LINC00237: variants seen among roughly 807,000 people sequenced by gnomAD.
LINC00237 encodes the protein long independently transcribed non-coding RNA 237, also known as long intergenic non-protein coding RNA 237.
At chr20:21,105,360 G>A (rs931002230) in intron 1 of LINC00237, among the ~76,000 whole-genome samples, 1 of 149,680 alleles carries the variant, frequency 6.7e-6, no homozygotes, top group Admixed American at 6.7e-5. Context: ...TGCCCTCCTC[G>A]GGCTAAAAGT....
intron 1 of LINC00237, among the ~76,000 whole-genome samples, chr20:21,105,514 G>A (rs1032451137): frequency 3.7e-4 from 56 of 152,294 alleles, no homozygotes; most frequent in African/African-American, 1.3e-3. Flanking sequence ...ACCTGGGCCG[G>A]GGCAGGACTG....
chr20:21,091,060 CGTGTGTGT>C (rs57771489), intron 2 of LINC00237, among the ~76,000 whole-genome samples: 2 of 147,156 alleles, frequency 1.4e-5, no homozygotes, highest in Non-Finnish European at 3.0e-5. Context: ...TGTGTGTGTG[CGTGTGTGT>C]GTGTGTGTGT....
At chr20:21,102,687 A>C (rs2030946902) in intron 1 of LINC00237, among the ~76,000 whole-genome samples, 1 of 125,232 alleles carries the variant, frequency 8.0e-6, no homozygotes, top group East Asian at 2.4e-4. Context: ...GTTAATTCCT[A>C]TTTTATAAGA....
intron 1 of LINC00237, among the ~76,000 whole-genome samples, chr20:21,104,441 C>T (rs1015490225): frequency 4.6e-5 from 7 of 152,260 alleles, no homozygotes; most frequent in African/African-American, 9.6e-5. Flanking sequence ...CCGCAAGCAA[C>T]AGCCTTGTCC....
At chr20:21,088,274 C>T (rs935970234) in intron 2 of LINC00237, among the ~76,000 whole-genome samples, 5 of 152,164 alleles carry the variant, frequency 3.3e-5, no homozygotes, top group African/African-American at 1.2e-4. Context: ...GGGGCCTGTT[C>T]TCCTCCACCC....
intron 1 of LINC00237, among the ~76,000 whole-genome samples, chr20:21,097,807 T>C (rs2030880148): frequency 6.6e-6 from 1 of 152,170 alleles, no homozygotes; most frequent in Non-Finnish European, 1.5e-5. Flanking sequence ...GTTGAAAATA[T>C]GTGTCTAATC....
At chr20:21,089,339 C>G (rs1410558885) in intron 2 of LINC00237, among the ~76,000 whole-genome samples, 1 of 151,840 alleles carries the variant, frequency 6.6e-6, no homozygotes, top group African/African-American at 2.4e-5. Flanking sequence ...TGCTGATATC[C>G]TTGATGTCTC....
chr20:21,086,839 A>ATGTATAGTATACACTATATATG (rs1411630869), intron 3 of LINC00237, among the ~76,000 whole-genome samples: 40 of 128,838 alleles, frequency 3.1e-4, no homozygotes, highest in African/African-American at 1.1e-3. Context: ...TATACTATAT[A>ATGTATAGTATACACTATATATG]TGTATAGTAT....
intron 1 of LINC00237, among the ~76,000 whole-genome samples, chr20:21,094,176 A>C (rs2030826864): frequency 6.6e-6 from 1 of 152,194 alleles, no homozygotes; most frequent in Admixed American, 6.5e-5. Flanking sequence ...CAGCAGTTGA[A>C]GACTGTAGAG....
At chr20:21,096,384 G>T (rs1460482051) in intron 1 of LINC00237, among the ~76,000 whole-genome samples, 3 of 152,150 alleles carry the variant, frequency 2.0e-5, no homozygotes, top group African/African-American at 7.2e-5. Context: ...GAACAGGGAG[G>T]TGCAAGTATG....
At chr20:21,100,716 C>T (rs2236174) in intron 1 of LINC00237, among the ~76,000 whole-genome samples, 33,147 of 152,122 alleles carry the variant, frequency 0.22, 4,578 homozygotes, top group East Asian at 0.64. Flanking sequence ...GAAGTGACAC[C>T]CACTTTTTCC....
At chr20:21,100,385 C>G (rs2030914972) in intron 1 of LINC00237, among the ~76,000 whole-genome samples, 1 of 152,226 alleles carries the variant, frequency 6.6e-6, no homozygotes, top group Admixed American at 6.5e-5. Flanking sequence ...CGCGCGAGCC[C>G]AGCGTTAGCC....
At chr20:21,102,369 ATAC>A (rs1193201210) in intron 1 of LINC00237, among the ~76,000 whole-genome samples, 1 of 152,178 alleles carries the variant, frequency 6.6e-6, no homozygotes, top group Admixed American at 6.5e-5. Flanking sequence ...CTCTAGCCGC[ATAC>A]CCACAACCCC....
At chr20:21,086,983 A>G (rs1209896193) in intron 3 of LINC00237, among the ~76,000 whole-genome samples, 1 of 142,574 alleles carries the variant, frequency 7.0e-6, no homozygotes, top group African/African-American at 2.6e-5. Flanking sequence ...CTCTATATGT[A>G]CTATAGTACA....
At position 21,103,497 on chromosome 20, in the gene LINC00237, C is replaced by T. The variant is rs372814386; in HGVS notation, n.88+2774G>A. Reference sequence around the variant, plus strand: ...CCCTGAAAAGCAAAAGAGGCCGATGCAATTTATTCCAATGGGCGGTTTTTA... The same window carrying T: ...CCCTGAAAAGCAAAAGAGGCCGATGTAATTTATTCCAATGGGCGGTTTTTA... On this transcript the variant is annotated intron_variant and non_coding_transcript_variant, in intron 1 of 3. Transcript: ENST00000691244. Among the ~76,000 whole-genome samples, 103 of 152,282 alleles carry T rather than the reference C, an allele frequency of 6.8e-4. 2 individuals carry two copies. In the South Asian group the frequency reaches 0.021, roughly 30 times the overall value.
intron 2 of LINC00237, among the ~76,000 whole-genome samples, chr20:21,091,005 C>T (rs2030784647): frequency 6.6e-6 from 1 of 152,022 alleles, no homozygotes. Context: ...TCTAACCACT[C>T]TTTGGGAAAG....
In LINC00237 at chr20:21,104,338, T is replaced by C. The variant is rs574342592; in HGVS notation, n.88+1933A>G. 7.9e-5 allele frequency among the ~76,000 whole-genome samples: 12 copies of C among 152,380 alleles called. 1 individual carries two copies. In the South Asian group the frequency reaches 2.5e-3, roughly 32 times the overall value. ...AAAGCGGCATGCGGGAACCAGAGCG[T>C]TGGCCTTTGGTCAGGTCAGTACCCC... On this transcript the variant is annotated intron_variant and non_coding_transcript_variant, in intron 1 of 3. Coordinates refer to ENST00000691244, the Ensembl canonical transcript of LINC00237.
At chr20:21,089,149 C>G (rs1351892542) in intron 2 of LINC00237, among the ~76,000 whole-genome samples, 1 of 150,748 alleles carries the variant, frequency 6.6e-6, no homozygotes, top group Non-Finnish European at 1.5e-5. Flanking sequence ...TCATATATTT[C>G]ATGCAAAGGA....
intron 1 of LINC00237, among the ~76,000 whole-genome samples, chr20:21,099,734 G>T (rs189191057): frequency 1.3e-5 from 2 of 152,294 alleles, no homozygotes; most frequent in Non-Finnish European, 2.9e-5. Flanking sequence ...GTCTGCTGAT[G>T]TTTAAAAGAT....
Sources: gnomAD v4.1 joint callset for allele counts (sites outside exome capture counted in the v4.1 genomes callset) on GRCh38, gnomAD v4.1.1 for gene constraint, MANE v1.5 for transcripts, NCBI Gene and HGNC (gene_info 2026-07-23, HGNC 2026-07-21) for gene names.